Variants in MSH4 observed in about 807,000 individuals in gnomAD.
MSH4 encodes the protein mutS homolog 4.
MSH4 carries 106 observed loss-of-function variants against 113.7 expected under a neutral mutation model. The ratio of observed to expected loss-of-function variants is 0.93; its 90% confidence interval spans 0.80 to 1.10. The LOEUF (loss-of-function observed/expected upper bound fraction) is 1.10. Ranked by LOEUF, MSH4 falls within the 50% of genes least tolerant of loss-of-function variation. The pLI is 0.00. For missense variants in MSH4, 1,061 were observed against 1,093.7 expected (o/e 0.97, Z 0.42); for synonymous variants, 368 against 380.2 (o/e 0.97, Z 0.37).
At chr1:75,881,449 G>A (rs1228762108) in intron 14 of MSH4, 79 bp downstream of exon 14, 2 of 1,455,082 alleles carry the variant, frequency 1.4e-6, no homozygotes, top group Non-Finnish European at 1.9e-6. Flanking sequence ...TAATAGTTAT[G>A]ACATTTAAAA....
intron 17 of MSH4, among the ~76,000 whole-genome samples, chr1:75,891,795 C>T (rs1652263493): frequency 1.3e-5 from 2 of 152,024 alleles, no homozygotes; most frequent in Non-Finnish European, 2.9e-5. Context: ...CTATTTTATG[C>T]TTAAAAGTAT....
chr1:75,890,779 T>G lies in MSH4; in HGVS notation c.2310T>G (p.Gly770=). The part of the protein sequence containing the change: ...ELGRGTNTEE[G]IGICYAVCEY... ...GCAGAGGTACTAATACGGAAGAAGG[T>G]ATTGGCATTTGTTATGCTGTTTGTG... Residue 770 remains glycine (G), a synonymous_variant, in exon 17 of 20, where the codon GGT becomes GGG. Coordinates refer to ENST00000263187, the MANE Select transcript of MSH4 (RefSeq NM_002440.4). The G allele has an allele frequency of 6.2e-7, 1 of 1,609,708 alleles. No individual in the cohort carries two copies. The highest frequency in any genetic ancestry group is 8.5e-7 in the Non-Finnish European group (1 of 1,177,696).
chr1:75,890,813 C>T lies in MSH4; in HGVS notation c.2344C>T (p.Leu782=). ...TTGTTATGCTGTTTGTGAATATCTA[C>T]TGAGCTTAAAGGTATTCTTTTATTT... ...GICYAVCEYL[L]SLKAFTLFAT... is the part of the protein sequence containing the mutation. Residue 782 remains leucine (L), a synonymous_variant, in exon 17 of 20, where the codon CTG becomes TTG. Transcript: ENST00000263187. 6.3e-7 allele frequency: 1 copy of T among 1,580,716 alleles called. No individual in the cohort carries two copies. Among genetic ancestry groups the T allele is most frequent in the Middle Eastern group, 1.7e-4 (1 of 5,992 alleles).
At chr1:75,820,075 G>C (rs1650376699) in intron 6 of MSH4, among the ~76,000 whole-genome samples, 2 of 142,280 alleles carry the variant, frequency 1.4e-5, no homozygotes, top group African/African-American at 2.5e-5. Flanking sequence ...AAATTGTCTT[G>C]TACTTGTCAT....
chr1:75,804,231 GT>G (rs1650006153), intron 2 of MSH4, among the ~76,000 whole-genome samples: 2 of 151,926 alleles, frequency 1.3e-5, no homozygotes, highest in Admixed American at 6.6e-5. Context: ...CTAGTGAGTG[GT>G]TTTTTTATAC....
intron 3 of MSH4, among the ~76,000 whole-genome samples, chr1:75,810,412 A>AT (rs760146124): frequency 0.02 from 2,088 of 104,478 alleles, 61 homozygotes; most frequent in African/African-American, 0.067. Context: ...TAATTTTTGT[A>AT]TTTTTTTTTT....
Position 75,809,629 on chromosome 1 carries a change from C to CT in MSH4, c.589-1047dup, listed in dbSNP as rs35082709. Among the ~76,000 whole-genome samples, 131 of 95,998 alleles carry CT rather than the reference C, an allele frequency of 1.4e-3. 1 individual carries two copies. The highest frequency in any genetic ancestry group is 2.7e-3 in the African/African-American group (66 of 24,466). 63.0% of individuals were successfully genotyped at this position (95,998 alleles called of 152,430 possible). ...TACTGATTGTATTGCCATAGTTACC[C>CT]TTTTTTTTTTTTTTTTTTTTTGAGA... On this transcript the variant is annotated intron_variant, in intron 3 of 19. Coordinates refer to ENST00000263187, the MANE Select transcript of MSH4 (RefSeq NM_002440.4).
intron 7 of MSH4, among the ~76,000 whole-genome samples, chr1:75,829,311 C>T (rs1009315908): frequency 2.0e-5 from 3 of 152,172 alleles, no homozygotes; most frequent in African/African-American, 7.2e-5. Context: ...TGGAGCCCAC[C>T]GCAGCTCAAG....
chr1:75,854,962 A>G (rs1474712302), intron 8 of MSH4, among the ~76,000 whole-genome samples: 2 of 152,180 alleles, frequency 1.3e-5, no homozygotes, highest in African/African-American at 4.8e-5. Flanking sequence ...CATATTTTAC[A>G]TAGAAAAATG....
intron 9 of MSH4, among the ~76,000 whole-genome samples, chr1:75,875,971 A>G (rs929475463): frequency 1.3e-5 from 2 of 152,212 alleles, no homozygotes; most frequent in Non-Finnish European, 2.9e-5. Context: ...CCATGTACAT[A>G]GACTTCTATG....
intron 1 of MSH4, among the ~76,000 whole-genome samples, chr1:75,798,759 C>A (rs537746214): frequency 6.6e-6 from 1 of 151,890 alleles, no homozygotes; most frequent in Admixed American, 6.6e-5. Flanking sequence ...TGTTTTCCTA[C>A]GTTGCCCAGC....
intron 1 of MSH4, among the ~76,000 whole-genome samples, chr1:75,802,203 C>G (rs1048523732): frequency 2.0e-5 from 3 of 151,954 alleles, no homozygotes; most frequent in Non-Finnish European, 4.4e-5. Context: ...GTTTAGCAAC[C>G]CCTGGTTTAC....
chr1:75,860,143 G>C (rs892015257), intron 8 of MSH4, among the ~76,000 whole-genome samples: 10 of 150,384 alleles, frequency 6.6e-5, no homozygotes, highest in Admixed American at 2.7e-4. Context: ...CCTTTATTTT[G>C]AGCCTTGTGT....
chr1:75,855,838 G>T (rs965143747), intron 8 of MSH4, among the ~76,000 whole-genome samples: 2 of 152,108 alleles, frequency 1.3e-5, no homozygotes, highest in African/African-American at 4.8e-5. Flanking sequence ...TTTTTGGAGG[G>T]AACACAATTC....
intron 7 of MSH4, among the ~76,000 whole-genome samples, chr1:75,830,852 C>G (rs928707899): frequency 1.3e-5 from 2 of 152,154 alleles, no homozygotes; most frequent in Non-Finnish European, 2.9e-5. Context: ...ATTGCAAAGA[C>G]CATCAATGCT....
chr1:75,802,574 G>A (rs889347609), intron 1 of MSH4, among the ~76,000 whole-genome samples: 2 of 152,166 alleles, frequency 1.3e-5, no homozygotes, highest in Admixed American at 6.5e-5. Context: ...TGTAAAATAG[G>A]TAATAGCTTA....
chr1:75,892,520 G>A (rs995807747), intron 17 of MSH4, among the ~76,000 whole-genome samples: 27 of 151,852 alleles, frequency 1.8e-4, no homozygotes, highest in African/African-American at 4.6e-4. Context: ...TATCACTATC[G>A]TATACTCTTA....
At chr1:75,822,248 C>T (rs1043865181) in intron 6 of MSH4, among the ~76,000 whole-genome samples, 161 bp from the exon 7 acceptor site, 2 of 142,612 alleles carry the variant, frequency 1.4e-5, no homozygotes, top group African/African-American at 5.3e-5. Flanking sequence ...GAGATCGCGC[C>T]ACTGTACTCC....
intron 7 of MSH4, among the ~76,000 whole-genome samples, chr1:75,825,797 C>T (rs1650537166): frequency 6.6e-6 from 1 of 152,186 alleles, no homozygotes; most frequent in Non-Finnish European, 1.5e-5. Context: ...ACTAGCCTTC[C>T]ATCCCAGGGA....
Sources: gnomAD v4.1 joint callset for allele counts (sites outside exome capture counted in the v4.1 genomes callset) on GRCh38, gnomAD v4.1.1 for gene constraint, MANE v1.5 for transcripts, NCBI Gene and HGNC (gene_info 2026-07-23, HGNC 2026-07-21) for gene names.